Variants in KDELR3 observed in about 807,000 individuals in gnomAD.
The protein encoded by KDELR3 is KDEL endoplasmic reticulum protein retention receptor 3.
KDELR3 carries 26 observed loss-of-function variants against 22.7 expected under a neutral mutation model. The observed-to-expected ratio is 1.15, with a 90% CI of 0.84 to 1.59. KDELR3 has a LOEUF of 1.59. Ranked by LOEUF, KDELR3 falls within the 40% of genes most tolerant of loss-of-function variation. The pLI, the probability that KDELR3 is intolerant of heterozygous loss-of-function variation, is 0.00. For synonymous variants in KDELR3, 120 were observed against 98.2 expected (o/e 1.22, Z -1.31); for missense variants, 289 against 251.1 (o/e 1.15, Z -1.02).
intron 2 of KDELR3, among the ~76,000 whole-genome samples, chr22:38,476,375 G>A (rs537469381): frequency 5.3e-5 from 8 of 150,324 alleles, no homozygotes; most frequent in East Asian, 2.0e-4. Context: ...GCCTGCCACT[G>A]CGCCCAGCTA....
chr22:38,477,697 T>C (rs2089569687), intron 2 of KDELR3, among the ~76,000 whole-genome samples: 2 of 152,218 alleles, frequency 1.3e-5, no homozygotes, highest in Admixed American at 1.3e-4. Flanking sequence ...TGGAGGTTGC[T>C]GTTACTTGTG....
At chr22:38,469,888 C>T (rs533486519) in intron 1 of KDELR3, among the ~76,000 whole-genome samples, 3 of 152,012 alleles carry the variant, frequency 2.0e-5, no homozygotes, top group East Asian at 3.9e-4. Context: ...GGTGTGATCT[C>T]GGCTCACTGC....
chr22:38,479,241 C>T (rs1266401290), intron 2 of KDELR3, among the ~76,000 whole-genome samples: 1 of 151,968 alleles, frequency 6.6e-6, no homozygotes, highest in Admixed American at 6.6e-5. Flanking sequence ...GATGCATATC[C>T]AGGAAATTGT....
intron 1 of KDELR3, among the ~76,000 whole-genome samples, chr22:38,469,351 G>C (rs993796390): frequency 1.3e-5 from 2 of 152,198 alleles, no homozygotes; most frequent in African/African-American, 4.8e-5. Flanking sequence ...AGGGAGTTGG[G>C]TCTGGGGAGC....
chr22:38,468,111 T>G lies in KDELR3; in HGVS notation c.-123T>G, dbSNP rs550747070. On this transcript the variant is annotated 5_prime_UTR_variant, in exon 1 of 5. Coordinates refer to ENST00000216014, the MANE Select transcript of KDELR3 (RefSeq NM_006855.4). Reference sequence around the variant, plus strand: ...GCGCGCGGGTGCGATCGCGGAGCTGTGAGGCGCAGGCAGGGCTCTGGGGCA... The same window carrying G: ...GCGCGCGGGTGCGATCGCGGAGCTGGGAGGCGCAGGCAGGGCTCTGGGGCA... 2,503 of 813,864 alleles carry G rather than the reference T, an allele frequency of 3.1e-3. 47 individuals are homozygous for G. In the African/African-American group the frequency reaches 0.039, roughly 13 times the overall value. 50.4% of individuals were successfully genotyped at this position (813,864 alleles called of 1,614,324 possible). A position where few individuals can be genotyped will look rare whatever the true frequency, so the allele number is the denominator to read the frequency against.
In KDELR3 at chr22:38,478,534, CA is replaced by C. The variant is rs138431; in HGVS notation, c.193-1042del. On this transcript the variant is annotated intron_variant, in intron 2 of 4. Transcript: ENST00000216014. ...TGGGCGACAGAGCGAGACTCCATCTCAAAAAAAAAAAAAAAAAGGAAGAACA... is the reference window on the plus strand; with the variant it reads ...TGGGCGACAGAGCGAGACTCCATCTCAAAAAAAAAAAAAAAAGGAAGAACA... Among the ~76,000 whole-genome samples, 315 of 71,578 alleles carry C rather than the reference CA, an allele frequency of 4.4e-3. 4 individuals are homozygous for C. Among genetic ancestry groups the C allele is most frequent in the African/African-American group, 0.018 (286 of 15,894 alleles). The allele number at this position is 71,578 out of a possible 152,430, so 47.0% of individuals were successfully genotyped here.
chr22:38,479,029 G>A (rs1306527335), intron 2 of KDELR3, among the ~76,000 whole-genome samples: 2 of 152,086 alleles, frequency 1.3e-5, no homozygotes, highest in African/African-American at 4.8e-5. Context: ...TTATATGCCA[G>A]AGGACAGCTA....
chr22:38,481,742 C>G, intron 4 of KDELR3: 1 of 1,041,670 alleles, frequency 9.6e-7, no homozygotes, highest in South Asian at 1.8e-5. Context: ...TTACAAGCCC[C>G]AAGGCAACCA....
At chr22:38,480,520 G>A (rs1430606229) in intron 3 of KDELR3, among the ~76,000 whole-genome samples, 9 of 151,900 alleles carry the variant, frequency 5.9e-5, no homozygotes, top group East Asian at 1.9e-4. Context: ...GGCCGGGCAC[G>A]GTGGCTCATG....
chr22:38,474,617 A>C lies in KDELR3; in HGVS notation c.186A>C (p.Val62=). The C allele has an allele frequency of 6.2e-7, 1 of 1,612,212 alleles. No homozygotes were observed. Among genetic ancestry groups the C allele is most frequent in the African/African-American group, 1.3e-5 (1 of 74,930 alleles). The change falls in exon 2 of 5, where the codon GTA becomes GTC. Residue 62 remains valine, a synonymous_variant. Transcript: ENST00000216014. The part of the protein sequence containing the change: ...FTNFISIYNT[V]MKVVFLLCAY... ...ACTTCATCTCCATCTACAACACAGT[A>C]ATGAAGGTGAGGGGCTGGGTGATGA...
Position 38,472,672 on chromosome 22 carries a change from G to A in KDELR3, c.92-1851G>A, listed in dbSNP as rs139647108. On this transcript the variant is annotated intron_variant, in intron 1 of 4. Coordinates refer to ENST00000216014, the MANE Select transcript of KDELR3 (RefSeq NM_006855.4). ...GATTTCTTTGTTTTGATAAAGTACT[G>A]TCACTAAATACGATGTTTTTTTGTT... 2.4e-3 allele frequency among the ~76,000 whole-genome samples: 370 copies of A among 152,208 alleles called. 2 individuals are homozygous for A. The highest frequency in any genetic ancestry group is 8.1e-3 in the African/African-American group (336 of 41,534).
intron 1 of KDELR3, chr22:38,474,313 A>G: frequency 2.0e-6 from 1 of 499,458 alleles, no homozygotes; most frequent in Non-Finnish European, 3.6e-6. Flanking sequence ...GAGACAGATT[A>G]CAGTTTAATG....
rs770294384 is a variant in KDELR3, at chr22:38,468,268, A to C, written c.35A>C (p.His12Pro). 1.2e-6 allele frequency: 2 copies of C among 1,613,712 alleles called. No homozygotes were observed. The highest frequency in any genetic ancestry group is 2.2e-5 in the East Asian group (1 of 44,852). ...NVFRILGDLS[H>P]LLAMILLLGK... ...TTCCGAATCCTCGGCGACCTGAGCCACCTCCTGGCCATGATCTTGCTGCTG... is the reference window on the plus strand; with the variant it reads ...TTCCGAATCCTCGGCGACCTGAGCCCCCTCCTGGCCATGATCTTGCTGCTG... The change falls in exon 1 of 5, where the codon CAC (histidine) becomes CCC (proline). Residue 12 changes from histidine (H) to proline (P), a missense_variant. By Grantham distance (77) the His-to-Pro change is moderately conservative. Transcript: ENST00000216014.
At position 38,483,022 on chromosome 22, in the gene KDELR3, T is replaced by C. The variant is rs2089616729; in HGVS notation, c.*486T>C. The C allele has an allele frequency of 6.5e-6, 1 of 153,998 alleles. No individual in the cohort carries two copies. Among genetic ancestry groups the C allele is most frequent in the South Asian group, 2.0e-4 (1 of 4,896 alleles). The allele number at this position is 153,998 out of a possible 1,614,324, so 9.5% of individuals were successfully genotyped here. On this transcript the variant is annotated 3_prime_UTR_variant, in exon 5 of 5. Transcript: ENST00000216014. ...TAAAGGTGTCAGCTAGTTTTAAGTG[T>C]GAAACTTATTTCACTTTCACACTGC...
chr22:38,468,528 C>T (rs927978825), intron 1 of KDELR3, among the ~76,000 whole-genome samples: 1 of 152,112 alleles, frequency 6.6e-6, no homozygotes, highest in Admixed American at 6.5e-5. Flanking sequence ...TGATGGGAGG[C>T]GGGTGGGTTT....
At chr22:38,468,365 GGC>G in intron 1 of KDELR3, 41 bp downstream of exon 1, 1 of 1,589,204 alleles carries the variant, frequency 6.3e-7, no homozygotes, top group Non-Finnish European at 8.6e-7. Flanking sequence ...CCCCCTCTCT[GGC>G]CAGCCTCATG....
chr22:38,480,764 T>C (rs1342919402), intron 3 of KDELR3, among the ~76,000 whole-genome samples: 2 of 150,840 alleles, frequency 1.3e-5, no homozygotes, highest in African/African-American at 2.4e-5. Context: ...AAAAAATAAA[T>C]AAAAAAGTTA....
chr22:38,477,151 G>C (rs1016028221), intron 2 of KDELR3, among the ~76,000 whole-genome samples: 4 of 144,758 alleles, frequency 2.8e-5, no homozygotes, highest in African/African-American at 1.0e-4. Context: ...CTGACCTCGT[G>C]ATCTGCCCAC....
intron 1 of KDELR3, among the ~76,000 whole-genome samples, chr22:38,470,996 T>TA (rs997464417): frequency 6.6e-6 from 1 of 151,916 alleles, no homozygotes; most frequent in African/African-American, 2.4e-5. Context: ...ACAAAAAAAT[T>TA]ATCTGAGTAT....
Sources: gnomAD v4.1 joint callset for allele counts (sites outside exome capture counted in the v4.1 genomes callset) on GRCh38, gnomAD v4.1.1 for gene constraint, MANE v1.5 for transcripts, NCBI Gene and HGNC (gene_info 2026-07-23, HGNC 2026-07-21) for gene names.